The following URB1 variants were observed in gnomAD, a reference collection of about 807,000 sequenced individuals.
The protein encoded by URB1 is URB1 ribosome biogenesis factor.
In URB1, 197 loss-of-function variants were observed where a neutral mutation model predicts 242.3. The ratio of observed to expected loss-of-function variants is 0.81; its 90% CI spans 0.72 to 0.91. URB1 has a LOEUF of 0.91. Among genes scored for constraint, URB1 ranks in the 40% least tolerant of loss-of-function variants. The probability of loss-of-function intolerance (pLI) is 0.00; values close to 1 mark genes in which losing one functional copy is unlikely to be tolerated. For missense variants in URB1, 2,721 were observed against 2,860.5 expected (o/e 0.95, Z 1.11); for synonymous variants, 1,153 against 1,201.8 (o/e 0.96, Z 0.84).
chr21:32,319,266 G>T lies in URB1; in HGVS notation c.5743C>A (p.Leu1915Met). Residue 1915 changes from leucine to methionine, a missense_variant, in exon 36 of 39, where the codon CTG (leucine) becomes ATG (methionine). Leu to Met is a conservative substitution (Grantham distance 15). Transcript: ENST00000382751. ...AGAACATAAAGGAACTCATTGACCA[G>T]GTGCAGGGCAAGCCGCTTGGCAGGC... ...QEPAKRLALHLVNEFLYVLIV... is the reference protein window; with the variant it reads ...QEPAKRLALHMVNEFLYVLIV... 6.4e-7 allele frequency: 1 copy of T among 1,551,346 alleles called. No individual in the cohort carries two copies. The highest frequency in any genetic ancestry group is 1.4e-5 in the African/African-American group (1 of 73,176).
chr21:32,347,411 T>G lies in URB1; in HGVS notation c.3413A>C (p.Gln1138Pro). ...CTTCCCGGGGGATTTCGTGGGTTGC[T>G]GGGTCACCAGGTGTGTCTCAGGCAG... ...LSLPETHLVT[Q>P]QPTKSPGKER... is the part of the protein sequence containing the mutation. Residue 1138 changes from glutamine (Q) to proline (P), a missense_variant, in exon 22 of 39, where the codon CAG becomes CCG. Transcript: ENST00000382751. 6.4e-7 allele frequency: 1 copy of G among 1,551,546 alleles called. No individual in the cohort carries two copies. The highest frequency in any genetic ancestry group is 8.7e-7 in the Non-Finnish European group (1 of 1,146,958).
At chr21:32,382,298 T>G in intron 4 of URB1, among the ~76,000 whole-genome samples, 1 of 152,214 alleles carries the variant, frequency 6.6e-6, no homozygotes, top group East Asian at 1.9e-4. Context: ...TTCTTTTTAT[T>G]AGAAACGTAT....
intron 30 of URB1, among the ~76,000 whole-genome samples, chr21:32,329,545 A>C (rs1391080133): frequency 6.6e-6 from 1 of 152,184 alleles, no homozygotes; most frequent in Non-Finnish European, 1.5e-5. Flanking sequence ...TGAGGACAAG[A>C]GTTTGCTGTG....
intron 28 of URB1, among the ~76,000 whole-genome samples, chr21:32,336,341 T>C (rs1343289404): frequency 6.6e-6 from 1 of 152,078 alleles, no homozygotes; most frequent in African/African-American, 2.4e-5. Flanking sequence ...TCCTGAACAA[T>C]CTTCCTTGGC....
At position 32,378,425 on chromosome 21, in the gene URB1, G is replaced by T. The variant is rs1366266517; in HGVS notation, c.664+20C>A. The stretch of plus-strand genomic sequence containing the variant: ...TTCAAAACAAATGGGCTTTCCTAAC[G>T]GACAAGGGAGTACACCTACCTTTCA... On this transcript the variant is annotated intron_variant, in intron 5 of 38. Transcript: ENST00000382751. The T allele has an allele frequency of 6.5e-7, 1 of 1,545,436 alleles. No homozygotes were observed. Among genetic ancestry groups the T allele is most frequent in the South Asian group, 1.2e-5 (1 of 83,882 alleles).
rs184528259 is a variant in URB1, at chr21:32,327,978, G to C, written c.4961-2589C>G. On this transcript the variant is annotated intron_variant, in intron 30 of 38. Transcript: ENST00000382751. ...TGATGTATGCACTCCAAAATAAAAG[G>C]CAGAGATGGTCAGATTAGATAAAAA... is the stretch of plus-strand genomic sequence containing the variant. Among the ~76,000 whole-genome samples, 346 of 152,218 alleles carry C rather than the reference G, an allele frequency of 2.3e-3. 1 individual carries two copies. Among genetic ancestry groups the C allele is most frequent in the Non-Finnish European group, 3.0e-3 (201 of 68,016 alleles).
chr21:32,317,168 A>C, intron 37 of URB1, 103 bp from the exon 38 acceptor site: 1 of 1,425,456 alleles, frequency 7.0e-7, no homozygotes, highest in East Asian at 2.5e-5. Flanking sequence ...GGCGGCTTGC[A>C]TGTCCTGAGC....
At chr21:32,363,049 C>G in intron 11 of URB1, 107 bp downstream of exon 11, 2 of 1,405,774 alleles carry the variant, frequency 1.4e-6, no homozygotes, top group Non-Finnish European at 1.9e-6. Context: ...CTGTCCAACC[C>G]TGCGGCTCCA....
At chr21:32,391,950 G>C (rs1339823873) in intron 1 of URB1, among the ~76,000 whole-genome samples, 1 of 151,752 alleles carries the variant, frequency 6.6e-6, no homozygotes, top group Non-Finnish European at 1.5e-5. Context: ...CTTAAGCCCA[G>C]AAGTTCAAGG....
intron 30 of URB1, among the ~76,000 whole-genome samples, chr21:32,327,596 G>A (rs2032844542): frequency 6.6e-6 from 1 of 152,106 alleles, no homozygotes; most frequent in South Asian, 2.1e-4. Flanking sequence ...ACAAAGGAAT[G>A]GTAACAATAT....
chr21:32,369,915 G>A (rs1220842073), intron 8 of URB1, among the ~76,000 whole-genome samples: 2 of 149,168 alleles, frequency 1.3e-5, no homozygotes. Flanking sequence ...CTTCAAGGCT[G>A]CAGTAACCTA....
intron 24 of URB1, among the ~76,000 whole-genome samples, chr21:32,344,281 T>C (rs2033061138): frequency 6.6e-6 from 1 of 152,194 alleles, no homozygotes; most frequent in Non-Finnish European, 1.5e-5. Flanking sequence ...ATATAATTCA[T>C]CTTATTGGTA....
chr21:32,390,243 C>A (rs1169384719), intron 1 of URB1, among the ~76,000 whole-genome samples: 1 of 152,204 alleles, frequency 6.6e-6, no homozygotes, highest in Non-Finnish European at 1.5e-5. Flanking sequence ...TCATGAGGCT[C>A]TCTGTGCAAG....
At chr21:32,369,057 TG>T (rs1416038941) in intron 8 of URB1, among the ~76,000 whole-genome samples, 7 of 148,106 alleles carry the variant, frequency 4.7e-5, no homozygotes, top group Non-Finnish European at 1.0e-4. Flanking sequence ...AAAAGCACTA[TG>T]TAGGGCTGGC....
At chr21:32,319,736 T>C (rs1469280868) in intron 35 of URB1, among the ~76,000 whole-genome samples, 1 of 152,224 alleles carries the variant, frequency 6.6e-6, no homozygotes, top group African/African-American at 2.4e-5. Context: ...TTTATAAACC[T>C]GAAACAGTCT....
chr21:32,368,313 C>T (rs2033368465), intron 9 of URB1, 90 bp downstream of exon 9: 3 of 1,235,536 alleles, frequency 2.4e-6, no homozygotes, highest in Admixed American at 3.0e-5. Flanking sequence ...GGTAATCCGC[C>T]TGCCTCGGCC....
intron 38 of URB1, among the ~76,000 whole-genome samples, chr21:32,315,314 TA>T (rs66474832): frequency 0.56 from 76,343 of 136,466 alleles, 23,272 homozygotes; most frequent in Non-Finnish European, 0.71. Flanking sequence ...TTCTTTTCTT[TA>T]AAAAAAAAAA....
chr21:32,322,050 G>C, intron 33 of URB1, 106 bp from the exon 34 acceptor site: 1 of 1,323,474 alleles, frequency 7.6e-7, no homozygotes, highest in East Asian at 2.5e-5. Flanking sequence ...TTGTAACACA[G>C]CAGCCCTGAC....
intron 2 of URB1, among the ~76,000 whole-genome samples, chr21:32,384,878 G>A (rs2146055402): frequency 6.6e-6 from 1 of 152,348 alleles, no homozygotes; most frequent in East Asian, 1.9e-4. Context: ...CTACTTGGGA[G>A]GCTGAGGCAG....
Sources: gnomAD v4.1 joint callset for allele counts (sites outside exome capture counted in the v4.1 genomes callset) on GRCh38, gnomAD v4.1.1 for gene constraint, MANE v1.5 for transcripts, NCBI Gene and HGNC (gene_info 2026-07-23, HGNC 2026-07-21) for gene names.